PLXNA3: variants seen among roughly 807,000 people sequenced by gnomAD.
PLXNA3 encodes the protein plexin-A3.
In PLXNA3, 52 loss-of-function variants were observed where a neutral mutation model predicts 118.8. The observed-to-expected ratio is 0.44, with a 90% CI of 0.35 to 0.55. PLXNA3 has a LOEUF of 0.55. Ranked by LOEUF, PLXNA3 falls within the 20% of genes least tolerant of loss-of-function variation. The pLI, the probability that PLXNA3 is intolerant of heterozygous loss-of-function variation, is 0.01. For missense variants in PLXNA3, 1,660 were observed against 1,730.8 expected (o/e 0.96, Z 0.73); for synonymous variants, 925 against 762.4 (o/e 1.21, Z -3.51).
rs782734051 is a variant in PLXNA3, at chrX:154,461,005, C to G, written c.595-94C>G. ...TTCTGGCCTGGGCCTCTGTGATCAT[C>G]CAGGCGGGAGGGGGATGCAGAGGGA... On this transcript the variant is annotated intron_variant, in intron 2 of 32. Transcript: ENST00000369682. 44 of 844,829 alleles carry G rather than the reference C, an allele frequency of 5.2e-5. No individual in the cohort carries two copies. In the African/African-American group the frequency reaches 7.7e-4, roughly 15 times the overall value. The allele number at this position is 844,829 out of a possible 1,213,427, so 69.6% of individuals were successfully genotyped here. A position where few individuals can be genotyped will look rare whatever the true frequency, so the allele number is the denominator to read the frequency against.
chrX:154,468,029 T>C, intron 21 of PLXNA3, 28 bp downstream of exon 21: 1 of 1,199,403 alleles, frequency 8.3e-7, no homozygotes, highest in African/African-American at 1.7e-5. Flanking sequence ...GGATGTGGTG[T>C]GGAAGCTGGG....
At position 154,458,384 on chromosome X, in the gene PLXNA3, T is replaced by G. The variant is rs1314935085; in HGVS notation, c.-72T>G. On this transcript the variant is annotated 5_prime_UTR_variant, in exon 1 of 33. Coordinates refer to ENST00000369682, the MANE Select transcript of PLXNA3 (RefSeq NM_017514.5). ...GGCCGCGGTGGGGCTCGGGGGCGCG[T>G]CCACGTGGCCAGAGGGCGGCCACCC... 2 of 110,227 alleles carry G rather than the reference T, an allele frequency of 1.8e-5. No homozygotes were observed. Among genetic ancestry groups the G allele is most frequent in the Non-Finnish European group, 3.8e-5 (2 of 52,005 alleles). The allele number at this position is 110,227 out of a possible 1,213,427, so 9.1% of individuals were successfully genotyped here.
chrX:154,463,549 T>TGGGG, intron 5 of PLXNA3, 30 bp downstream of exon 5: 1 of 687,837 alleles, frequency 1.5e-6, no homozygotes, highest in Admixed American at 3.0e-5. Context: ...CGGTGGGTGG[T>TGGGG]GGGGCGGGGG....
rs782807893 is a variant in PLXNA3 at position 154,464,201 on chromosome X, G to C, written c.1716G>C (p.Val572=). ...ACGTGCCAGACCTCAGTGCGGGCGTGAGCTGCGCCTTCGAGGCGGCGGCGG... is the reference window on the plus strand; with the variant it reads ...ACGTGCCAGACCTCAGTGCGGGCGTCAGCTGCGCCTTCGAGGCGGCGGCGG... ...LHNVPDLSAG[V]SCAFEAAAEN... Residue 572 remains valine (V), a synonymous_variant, in exon 8 of 33, where the codon GTG becomes GTC. Coordinates refer to ENST00000369682, the MANE Select transcript of PLXNA3 (RefSeq NM_017514.5). 9 of 1,208,532 alleles carry C rather than the reference G, an allele frequency of 7.4e-6. No individual in the cohort carries two copies. In the East Asian group the frequency reaches 2.7e-4, roughly 36 times the overall value.
chrX:154,463,673 G>C lies in PLXNA3; in HGVS notation c.1530G>C (p.Trp510Cys). 2 of 1,202,446 alleles carry C rather than the reference G, an allele frequency of 1.7e-6. No homozygotes were observed. Among genetic ancestry groups the C allele is most frequent in the Non-Finnish European group, 2.2e-6 (2 of 891,927 alleles). The change falls in exon 6 of 33, where the codon TGG becomes TGC. Residue 510 changes from tryptophan to cysteine, a missense_variant. Transcript: ENST00000369682. ...GCTCCGGGGACCCGCACTGTGGTTG[G>C]TGTGTGCTGCGACACAGGTGAGGGC... ...CLGSGDPHCG[W>C]CVLRHRCCRE...
rs1557207024 is a variant in PLXNA3, at chrX:154,466,216, G to T, written c.2745G>T (p.Val915=). The change falls in exon 15 of 33, where the codon GTG becomes GTT. Residue 915 remains valine (V), a synonymous_variant. Coordinates refer to ENST00000369682, the MANE Select transcript of PLXNA3 (RefSeq NM_017514.5). ...SPPPGPVELC[V]GDCSADFRTQ... is the part of the protein sequence containing the mutation. ...CGCCGGGGCCCGTGGAGCTGTGTGT[G>T]GGTGACTGTTCAGCCGACTTCCGCA... is the stretch of plus-strand genomic sequence containing the variant. 8.3e-7 allele frequency: 1 copy of T among 1,209,389 alleles called. No homozygotes were observed. Among genetic ancestry groups the T allele is most frequent in the Admixed American group, 2.2e-5 (1 of 46,103 alleles).
Position 154,463,648 on chromosome X carries a change from G to C in PLXNA3, c.1505G>C (p.Gly502Ala), listed in dbSNP as rs1557205681. Residue 502 changes from glycine (G) to alanine (A), a missense_variant, in exon 6 of 33, where the codon GGC becomes GCC. Around this residue, in one of 2 missense-constraint regions of PLXNA3, gnomAD observed 791 missense variants for 652.1 expected, o/e 1.21. Coordinates refer to ENST00000369682, the MANE Select transcript of PLXNA3 (RefSeq NM_017514.5). ...TACCAGAGCTGCGCAGCCTGCCTGG[G>C]CTCCGGGGACCCGCACTGTGGTTGG... ...EQYQSCAACL[G>A]SGDPHCGWCV... is the part of the protein sequence containing the mutation. The C allele has an allele frequency of 1.7e-6, 2 of 1,205,405 alleles. No homozygotes were observed. Among genetic ancestry groups the C allele is most frequent in the Admixed American group, 4.4e-5 (2 of 45,856 alleles).
Position 154,465,138 on chromosome X carries a change from G to A in PLXNA3, c.2164G>A (p.Val722Met), listed in dbSNP as rs781912419. The stretch of plus-strand genomic sequence containing the variant: ...GTCGGGCCAGAAGAACTATGAGTGC[G>A]TGGTGCGGGTGCAGGGGCGGCAGCA... ...PQSGQKNYEC[V>M]VRVQGRQQRV... is the part of the protein sequence containing the mutation. The change falls in exon 11 of 33, where the codon GTG (valine) becomes ATG (methionine). Residue 722 changes from valine to methionine, a missense_variant. Val to Met is a conservative substitution (Grantham distance 21). This residue lies in a region of PLXNA3 where 869 missense variants were observed against 1,078.7 expected (regional missense o/e 0.81). Transcript: ENST00000369682. The A allele has an allele frequency of 1.3e-5, 16 of 1,209,620 alleles. No individual in the cohort carries two copies. Among genetic ancestry groups the A allele is most frequent in the East Asian group, 5.9e-5 (2 of 33,787 alleles).
At chrX:154,462,424 T>C (rs2068990090) in intron 4 of PLXNA3, 114 bp downstream of exon 4, 4 of 590,297 alleles carry the variant, frequency 6.8e-6, no homozygotes, top group Non-Finnish European at 9.5e-6. Flanking sequence ...ACACGGCTGG[T>C]GCAGGGAGGG....
chrX:154,471,411 G>A (rs1448626360), intron 31 of PLXNA3, 77 bp from the exon 32 acceptor site: 2 of 1,154,640 alleles, frequency 1.7e-6, no homozygotes, highest in Non-Finnish European at 2.3e-6. Context: ...AGGAAGCCCG[G>A]GGGCTGGCTG....
chrX:154,471,320 G>A lies in PLXNA3; in HGVS notation c.5369+3G>A, dbSNP rs1557209420. On this transcript the variant is annotated splice_donor_region_variant and intron_variant, in intron 31 of 32. Transcript: ENST00000369682. ...AACTACAAGAGCTGGGTGGAGAGGT[G>A]GGCTCCGCCCTGCTGTGGGTGGCAG... The A allele has an allele frequency of 8.3e-7, 1 of 1,203,414 alleles. No homozygotes were observed. The highest frequency in any genetic ancestry group is 2.2e-5 in the Admixed American group (1 of 45,979).
Position 154,474,439 on chromosome X carries a change from T to G in PLXNA3, c.*1754T>G, listed in dbSNP as rs942278898. 2.8e-5 allele frequency: 3 copies of G among 107,678 alleles called. No homozygotes were observed. Among genetic ancestry groups the G allele is most frequent in the Non-Finnish European group, 5.8e-5 (3 of 52,076 alleles). The allele number at this position is 107,678 out of a possible 1,213,427, so 8.9% of individuals were successfully genotyped here. A position where few individuals can be genotyped will look rare whatever the true frequency, so the allele number is the denominator to read the frequency against. On this transcript the variant is annotated 3_prime_UTR_variant, in exon 33 of 33. Coordinates refer to ENST00000369682, the MANE Select transcript of PLXNA3 (RefSeq NM_017514.5). ...TTGGGATTACAGGCATGAGCCACTG[T>G]GCCCGGCCAGGTGAGATGGAATCTT... is the stretch of plus-strand genomic sequence containing the variant.
chrX:154,464,447 G>A lies in PLXNA3; in HGVS notation c.1874G>A (p.Gly625Asp). 2.5e-6 allele frequency: 3 copies of A among 1,211,453 alleles called. No homozygotes were observed. Among genetic ancestry groups the A allele is most frequent in the Non-Finnish European group, 3.4e-6 (3 of 895,261 alleles). Residue 625 changes from glycine (G) to aspartate (D), a missense_variant, in exon 9 of 33, where the codon GGC becomes GAC. Gly to Asp is a moderately conservative substitution (Grantham distance 94). Transcript: ENST00000369682. ...VRLQLLSKET[G>D]VRFAGADFVF... ...CTGCAGCTTCTCTCCAAGGAGACAG[G>A]CGTGAGGTTTGCCGGTGCTGACTTT...
Position 154,467,166 on chromosome X carries a change from C to T in PLXNA3, c.3201+16C>T. On this transcript the variant is annotated intron_variant, in intron 18 of 32. Coordinates refer to ENST00000369682, the MANE Select transcript of PLXNA3 (RefSeq NM_017514.5). Reference sequence around the variant, plus strand: ...GACCACCAATGTGAGTACCAGCTGCCCCGCCCCACCCCGACCCTGCAGCCC... The same window carrying T: ...GACCACCAATGTGAGTACCAGCTGCTCCGCCCCACCCCGACCCTGCAGCCC... The T allele has an allele frequency of 8.3e-7, 1 of 1,206,973 alleles. No homozygotes were observed. The highest frequency in any genetic ancestry group is 3.0e-5 in the East Asian group (1 of 33,842).
rs1414989523 is a variant in PLXNA3 at position 154,476,524 on chromosome X, ATATT to A, written c.*3840_*3843del. 3 of 111,471 alleles carry A rather than the reference ATATT, an allele frequency of 2.7e-5. No homozygotes were observed. Among genetic ancestry groups the A allele is most frequent in the Admixed American group, 9.5e-5 (1 of 10,515 alleles). The allele number at this position is 111,471 out of a possible 1,213,427, so 9.2% of individuals were successfully genotyped here. A position where few individuals can be genotyped will look rare whatever the true frequency, so the allele number is the denominator to read the frequency against. On this transcript the variant is annotated 3_prime_UTR_variant, in exon 33 of 33. Coordinates refer to ENST00000369682, the MANE Select transcript of PLXNA3 (RefSeq NM_017514.5). The stretch of plus-strand genomic sequence containing the variant: ...TTCGTCAATAATTAATGTCTAAAAA[ATATT>A]AAGAAAGGAAGAAAGGAATGAGAGC...
chrX:154,463,782 C>T (rs782492630), intron 6 of PLXNA3, 92 bp downstream of exon 6: 48 of 970,832 alleles, frequency 4.9e-5, no homozygotes, highest in East Asian at 2.3e-4. Context: ...GGCCTCCCCC[C>T]GCCCTCCTCC....
chrX:154,470,960 G>A (rs1557209247), intron 30 of PLXNA3, 145 bp from the exon 31 acceptor site: 3 of 478,973 alleles, frequency 6.3e-6, no homozygotes, highest in South Asian at 3.1e-5. Context: ...AGACTTAGAG[G>A]AAAGGCCGTT....
rs189610144 is a variant in PLXNA3 at position 154,458,996 on chromosome X, C to T, written c.-28+568C>T. On this transcript the variant is annotated intron_variant, in intron 1 of 32. Transcript: ENST00000369682. ...TTTTCTTTGGCCTTCCTTTCTTCTC[C>T]GGCTGTTGCATGAGGGGTCCAGCTG... Among the ~76,000 whole-genome samples the T allele has an allele frequency of 1.0e-3, 115 of 111,744 alleles. 2 individuals carry two copies. The East Asian group carries it at 0.029, about 28-fold the overall frequency.
chrX:154,468,049 C>T, intron 21 of PLXNA3, 33 bp from the exon 22 acceptor site: 1 of 1,196,363 alleles, frequency 8.4e-7, no homozygotes, highest in Non-Finnish European at 1.1e-6. Flanking sequence ...GGACCTCCCT[C>T]CTGCCCACTC....
Sources: gnomAD v4.1 joint callset for allele counts (sites outside exome capture counted in the v4.1 genomes callset) on GRCh38, gnomAD v4.1.1 for gene constraint, gnomAD v4.1.1 regional missense constraint, MANE v1.5 for transcripts, NCBI Gene and HGNC (gene_info 2026-07-23, HGNC 2026-07-21) for gene names.